TRPC4: variants seen among roughly 807,000 people sequenced by gnomAD.
TRPC4 encodes the protein transient receptor potential cation channel subfamily C member 4.
Under a neutral mutation model 99.4 loss-of-function variants are expected in TRPC4, and 49 were observed. The ratio of observed to expected loss-of-function variants is 0.49; its 90% CI spans 0.39 to 0.63. The LOEUF is 0.63. TRPC4 is among the 20% of genes least tolerant of loss of function. The probability of loss-of-function intolerance (pLI) is 0.00; values close to 1 mark genes in which losing one functional copy is unlikely to be tolerated. For synonymous variants in TRPC4, 454 were observed against 425.9 expected, an observed-to-expected ratio of 1.07 and a Z score of -0.81; for missense variants, 898 against 1,152.9, an observed-to-expected ratio of 0.78 and a Z score of 3.20.
At chr13:37,733,627 TA>T (rs896555879) in intron 3 of TRPC4, among the ~76,000 whole-genome samples, 1 of 152,180 alleles carries the variant, frequency 6.6e-6, no homozygotes, top group African/African-American at 2.4e-5. Context: ...CAGCATTTTA[TA>T]ACAACTAGGT....
intron 4 of TRPC4, among the ~76,000 whole-genome samples, chr13:37,676,677 A>T (rs567186037): frequency 6.6e-6 from 1 of 152,086 alleles, no homozygotes; most frequent in Non-Finnish European, 1.5e-5. Flanking sequence ...GGCCTGGAGT[A>T]ACATCTTTAA....
intron 3 of TRPC4, among the ~76,000 whole-genome samples, chr13:37,722,662 T>C (rs549153115): frequency 2.6e-5 from 4 of 152,216 alleles, no homozygotes; most frequent in African/African-American, 9.6e-5. Flanking sequence ...AATAGGGAAG[T>C]AGCATTTAGG....
chr13:37,677,742 A>G (rs1332747729), intron 4 of TRPC4, among the ~76,000 whole-genome samples: 1 of 152,196 alleles, frequency 6.6e-6, no homozygotes, highest in Non-Finnish European at 1.5e-5. Context: ...CTCTGTAACC[A>G]ACAGAACCAG....
chr13:37,862,766 T>C (rs376552171), intron 1 of TRPC4, among the ~76,000 whole-genome samples: 3 of 151,710 alleles, frequency 2.0e-5, no homozygotes, highest in East Asian at 1.9e-4. Context: ...CATCTCTGTA[T>C]CCTCAGAATC....
intron 1 of TRPC4, among the ~76,000 whole-genome samples, chr13:37,832,971 G>A (rs1958463853): frequency 6.6e-6 from 1 of 152,044 alleles, no homozygotes; most frequent in Non-Finnish European, 1.5e-5. Flanking sequence ...GTTTTCAGCA[G>A]TATCGAGTCC....
chr13:37,738,591 A>G (rs946495150), intron 3 of TRPC4, among the ~76,000 whole-genome samples: 1 of 152,138 alleles, frequency 6.6e-6, no homozygotes, highest in Non-Finnish European at 1.5e-5. Context: ...TGAAAGTGGG[A>G]TATATGCAGC....
rs143299202 is a variant in TRPC4 at position 37,643,958 on chromosome 13, C to A, written c.2080-4659G>T. On this transcript the variant is annotated intron_variant, in intron 8 of 10. Transcript: ENST00000379705. Reference sequence around the variant, plus strand: ...ACATGGCCATGTTCTTACAAGGACCCTATTCTAGTATAATCTCGCCTTAAC... The same window carrying A: ...ACATGGCCATGTTCTTACAAGGACCATATTCTAGTATAATCTCGCCTTAAC... Among the ~76,000 whole-genome samples the A allele has an allele frequency of 1.5e-3, 232 of 152,150 alleles. 1 individual carries two copies. The highest frequency in any genetic ancestry group is 5.3e-3 in the African/African-American group (220 of 41,486).
At position 37,782,968 on chromosome 13, in the gene TRPC4, A is replaced by G. The variant is rs370087745; in HGVS notation, c.366T>C (p.Ser122=). The change falls in exon 2 of 11, where the codon AGT becomes AGC. Residue 122 remains serine, a synonymous_variant. Coordinates refer to ENST00000379705, the MANE Select transcript of TRPC4 (RefSeq NM_016179.4). ...TTTTTGCAGGTACCTGTTTTTCTCC[A>G]CTAGGTTTTTTGTGGTTCAATAACA... ...VELLLNHKKP[S]GEKQVPPILL... The G allele has an allele frequency of 8.8e-5, 129 of 1,463,882 alleles. No individual in the cohort carries two copies. The South Asian group carries it at 1.8e-3, about 21-fold the overall frequency. The allele number at this position is 1,463,882 out of a possible 1,614,324, so 90.7% of individuals were successfully genotyped here.
At chr13:37,858,483 G>T (rs1959192800) in intron 1 of TRPC4, among the ~76,000 whole-genome samples, 1 of 151,586 alleles carries the variant, frequency 6.6e-6, no homozygotes, top group Admixed American at 6.6e-5. Flanking sequence ...TCCCATGTTT[G>T]TCTTAGTACT....
intron 1 of TRPC4, among the ~76,000 whole-genome samples, chr13:37,824,082 T>C (rs1230856342): frequency 6.7e-6 from 1 of 148,382 alleles, no homozygotes; most frequent in African/African-American, 2.5e-5. Flanking sequence ...TTGTCTGTTG[T>C]TGGTGTATAA....
chr13:37,700,223 G>T (rs977174697), intron 3 of TRPC4, among the ~76,000 whole-genome samples: 2 of 152,172 alleles, frequency 1.3e-5, no homozygotes, highest in African/African-American at 4.8e-5. Context: ...TTGAATAGAG[G>T]TGTGGAGGCA....
At chr13:37,789,363 CT>C (rs1270527129) in intron 1 of TRPC4, among the ~76,000 whole-genome samples, 15 of 152,168 alleles carry the variant, frequency 9.9e-5, no homozygotes, top group African/African-American at 3.4e-4. Flanking sequence ...ATCATAGCCC[CT>C]GATGATGTTT....
At chr13:37,758,066 T>C (rs1263617527) in intron 2 of TRPC4, among the ~76,000 whole-genome samples, 1 of 151,984 alleles carries the variant, frequency 6.6e-6, no homozygotes, top group Admixed American at 6.6e-5. Context: ...TTACTGACTT[T>C]TGGCTTCCAT....
chr13:37,650,999 G>A (rs944083340), intron 8 of TRPC4, among the ~76,000 whole-genome samples: 2 of 152,132 alleles, frequency 1.3e-5, no homozygotes, highest in Non-Finnish European at 2.9e-5. Context: ...CCCCAGCCTT[G>A]ACTAGCAGAA....
intron 3 of TRPC4, among the ~76,000 whole-genome samples, chr13:37,728,692 A>T (rs924391908): frequency 1.3e-5 from 2 of 152,102 alleles, no homozygotes; most frequent in African/African-American, 4.8e-5. Context: ...CCTAAAATCC[A>T]TATGGAATCT....
At chr13:37,661,645 T>C (rs185377711) in intron 6 of TRPC4, among the ~76,000 whole-genome samples, 2 of 152,220 alleles carry the variant, frequency 1.3e-5, no homozygotes, top group Non-Finnish European at 2.9e-5. Context: ...TTCACAAGGG[T>C]TCTCCATCAG....
chr13:37,847,543 G>A (rs550325813), intron 1 of TRPC4, among the ~76,000 whole-genome samples: 3 of 152,034 alleles, frequency 2.0e-5, no homozygotes, highest in Non-Finnish European at 4.4e-5. Context: ...AGCAAAGGCA[G>A]TCCTAAGTTG....
At chr13:37,844,874 A>ACCTACTTGG (rs1958849693) in intron 1 of TRPC4, among the ~76,000 whole-genome samples, 1 of 152,080 alleles carries the variant, frequency 6.6e-6, no homozygotes. Flanking sequence ...ACCAAGCAGC[A>ACCTACTTGG]ATCCTAGGTA....
chr13:37,691,226 C>T (rs1482699813), intron 4 of TRPC4, among the ~76,000 whole-genome samples: 1 of 152,050 alleles, frequency 6.6e-6, no homozygotes, highest in Non-Finnish European at 1.5e-5. Flanking sequence ...CTCAGCCTCC[C>T]GAGTAGCTGG....
Sources: gnomAD v4.1 joint callset for allele counts (sites outside exome capture counted in the v4.1 genomes callset) on GRCh38, gnomAD v4.1.1 for gene constraint, MANE v1.5 for transcripts, NCBI Gene and HGNC (gene_info 2026-07-23, HGNC 2026-07-21) for gene names.